CTNND2: variants seen among roughly 807,000 people sequenced by gnomAD.
CTNND2 encodes catenin delta 2, also known as catenin delta-2.
A neutral mutation model predicts 144.4 loss-of-function variants in CTNND2; 22 were observed. That is an observed-to-expected ratio of 0.15 (90% CI 0.11 to 0.22). The LOEUF (loss-of-function observed/expected upper bound fraction) is 0.22, where lower values mean the gene tolerates loss of function less well. CTNND2 is among the 10% of genes least tolerant of loss of function. CTNND2 has a pLI of 1.00. For synonymous variants in CTNND2, 751 were observed against 695.6 expected, an observed-to-expected ratio of 1.08 and a Z score of -1.25; for missense variants, 1,353 against 1,618.8, an observed-to-expected ratio of 0.84 and a Z score of 2.82.
chr5:11,680,681 T>C (rs548167010), intron 2 of CTNND2, among the ~76,000 whole-genome samples: 1 of 152,138 alleles, frequency 6.6e-6, no homozygotes, highest in East Asian at 1.9e-4. Context: ...TAGATGCGTG[T>C]GGGCTGAAAA....
chr5:11,344,305 T>C (rs997454762), intron 9 of CTNND2, among the ~76,000 whole-genome samples: 1 of 151,008 alleles, frequency 6.6e-6, no homozygotes, highest in Non-Finnish European at 1.5e-5. Context: ...GGCAGGAGAA[T>C]GGTGTGAACC....
At chr5:11,189,725 G>A (rs1388983025) in intron 11 of CTNND2, among the ~76,000 whole-genome samples, 1 of 152,070 alleles carries the variant, frequency 6.6e-6, no homozygotes, top group East Asian at 1.9e-4. Flanking sequence ...CAGCTCTAGG[G>A]GTTGTCAGCA....
At chr5:11,895,897 A>G (rs1363708782) in intron 1 of CTNND2, among the ~76,000 whole-genome samples, 3 of 152,180 alleles carry the variant, frequency 2.0e-5, no homozygotes, top group Non-Finnish European at 4.4e-5. Flanking sequence ...ATTAGAGAAA[A>G]ACACAATATT....
At chr5:11,872,254 G>A (rs546067109) in intron 1 of CTNND2, among the ~76,000 whole-genome samples, 66 of 152,192 alleles carry the variant, frequency 4.3e-4, no homozygotes, top group South Asian at 1.2e-3. Context: ...TGGTGTATAC[G>A]TGCCACATTT....
At position 11,440,819 on chromosome 5, in the gene CTNND2, C is replaced by T. The variant is rs143796144; in HGVS notation, c.288-28750G>A. 1.1e-4 allele frequency among the ~76,000 whole-genome samples: 17 copies of T among 152,274 alleles called. No individual in the cohort carries two copies. In the East Asian group the frequency reaches 3.3e-3, roughly 29 times the overall value. The stretch of plus-strand genomic sequence containing the variant: ...AAATTAAAATTTAACTTTCAGATGG[C>T]ATGGATAGAGTTATCGCTGAAGCTC... On this transcript the variant is annotated intron_variant, in intron 3 of 21. Coordinates refer to ENST00000304623, the MANE Select transcript of CTNND2 (RefSeq NM_001332.4).
chr5:11,739,829 G>T (rs11747099), intron 1 of CTNND2, among the ~76,000 whole-genome samples: 21,877 of 152,042 alleles, frequency 0.14, 1,758 homozygotes, highest in East Asian at 0.27. Flanking sequence ...TAAGCTGATA[G>T]GCAACTTCAG....
intron 3 of CTNND2, among the ~76,000 whole-genome samples, chr5:11,477,678 G>T (rs1369735115): frequency 6.6e-6 from 1 of 152,078 alleles, no homozygotes; most frequent in Non-Finnish European, 1.5e-5. Context: ...GCCTCCAAAG[G>T]CTCTGCGGTG....
intron 2 of CTNND2, among the ~76,000 whole-genome samples, chr5:11,570,999 C>G (rs191357713): frequency 1.2e-3 from 178 of 152,006 alleles, no homozygotes; most frequent in Non-Finnish European, 2.0e-3. Context: ...TCATGTAAGT[C>G]TCTAATGAAT....
At chr5:11,207,805 T>A (rs542678668) in intron 10 of CTNND2, among the ~76,000 whole-genome samples, 8 of 152,204 alleles carry the variant, frequency 5.3e-5, no homozygotes, top group African/African-American at 1.9e-4. Flanking sequence ...ATTTAAGCAA[T>A]TTTTAATCCA....
intron 1 of CTNND2, among the ~76,000 whole-genome samples, chr5:11,891,671 G>C (rs1200398462): frequency 6.6e-6 from 1 of 152,172 alleles, no homozygotes; most frequent in African/African-American, 2.4e-5. Flanking sequence ...TGCAAGTCAG[G>C]AGGAGAGCCC....
At chr5:11,024,394 C>T (rs1241253488) in intron 16 of CTNND2, among the ~76,000 whole-genome samples, 1 of 152,126 alleles carries the variant, frequency 6.6e-6, no homozygotes, top group Non-Finnish European at 1.5e-5. Flanking sequence ...AATGACAGCA[C>T]CTAAAATAGT....
chr5:11,861,906 T>A (rs1422890133), intron 1 of CTNND2, among the ~76,000 whole-genome samples: 1 of 152,190 alleles, frequency 6.6e-6, no homozygotes, highest in Non-Finnish European at 1.5e-5. Context: ...AAGGCTCCCA[T>A]CCCTATCTTG....
At chr5:11,128,180 C>G (rs1754872106) in intron 12 of CTNND2, among the ~76,000 whole-genome samples, 1 of 151,902 alleles carries the variant, frequency 6.6e-6, no homozygotes, top group South Asian at 2.1e-4. Context: ...GGCAGAGATC[C>G]CAAGAGTAAA....
chr5:11,390,528 T>C (rs530339006), intron 6 of CTNND2, among the ~76,000 whole-genome samples: 5 of 152,338 alleles, frequency 3.3e-5, no homozygotes, highest in African/African-American at 1.2e-4. Context: ...AATCTTGACT[T>C]CTCATCATGA....
At chr5:11,665,072 TG>T (rs1300157024) in intron 2 of CTNND2, among the ~76,000 whole-genome samples, 1 of 152,132 alleles carries the variant, frequency 6.6e-6, no homozygotes, top group East Asian at 1.9e-4. Flanking sequence ...GATGGTGAAT[TG>T]AAATTCAATT....
intron 3 of CTNND2, among the ~76,000 whole-genome samples, chr5:11,454,947 A>T (rs1765609142): frequency 6.6e-6 from 1 of 151,864 alleles, no homozygotes; most frequent in Non-Finnish European, 1.5e-5. Flanking sequence ...TTCTTTCTTA[A>T]AAATCAGAAA....
At chr5:11,743,468 G>C (rs187409286) in intron 1 of CTNND2, among the ~76,000 whole-genome samples, 2 of 152,148 alleles carry the variant, frequency 1.3e-5, no homozygotes, top group Non-Finnish European at 2.9e-5. Context: ...TAGAATCGTC[G>C]ATCAAGTAGG....
At chr5:11,785,323 G>A (rs1309208307) in intron 1 of CTNND2, among the ~76,000 whole-genome samples, 2 of 152,144 alleles carry the variant, frequency 1.3e-5, no homozygotes, top group Non-Finnish European at 2.9e-5. Context: ...GACAGATACA[G>A]ATTTTAAAAG....
intron 9 of CTNND2, among the ~76,000 whole-genome samples, chr5:11,301,668 A>G (rs1749623656): frequency 6.6e-6 from 1 of 152,166 alleles, no homozygotes; most frequent in African/African-American, 2.4e-5. Context: ...CAGCATTGCA[A>G]TATAAGGACG....
Sources: gnomAD v4.1 joint callset for allele counts (sites outside exome capture counted in the v4.1 genomes callset) on GRCh38, gnomAD v4.1.1 for gene constraint, MANE v1.5 for transcripts, NCBI Gene and HGNC (gene_info 2026-07-23, HGNC 2026-07-21) for gene names.